TBCD: variants seen among roughly 807,000 people sequenced by gnomAD.
The protein encoded by TBCD is tubulin-specific chaperone D.
A neutral mutation model predicts 169.3 loss-of-function variants in TBCD; 105 were observed. That is an observed-to-expected ratio of 0.62 (90% CI 0.53 to 0.73). The LOEUF (loss-of-function observed/expected upper bound fraction) is 0.73. Among genes scored for constraint, TBCD ranks in the 30% least tolerant of loss-of-function variants. The pLI is 0.00. For synonymous variants in TBCD, 700 were observed against 643.9 expected (o/e 1.09, Z -1.32); for missense variants, 1,444 against 1,600.1 (o/e 0.90, Z 1.66).
At chr17:82,919,978 G>A (rs1399131268) in intron 23 of TBCD, among the ~76,000 whole-genome samples, 1 of 152,204 alleles carries the variant, frequency 6.6e-6, no homozygotes, top group Non-Finnish European at 1.5e-5. Flanking sequence ...CCGTTGTTAG[G>A]TAGAGACGGT....
intron 27 of TBCD, 94 bp from the exon 28 acceptor site, chr17:82,926,306 G>T: frequency 8.6e-7 from 1 of 1,168,588 alleles, no homozygotes; most frequent in South Asian, 1.3e-5. Flanking sequence ...CTCATGGTGT[G>T]GGGTCTGTGG....
chr17:82,876,795 G>C (rs1295691237), intron 14 of TBCD, among the ~76,000 whole-genome samples: 1 of 152,244 alleles, frequency 6.6e-6, no homozygotes, highest in Non-Finnish European at 1.5e-5. Flanking sequence ...CAGCTTCGTT[G>C]AAGTGGGCCA....
At chr17:82,754,860 G>A (rs1568084580) in intron 1 of TBCD, among the ~76,000 whole-genome samples, 2 of 152,220 alleles carry the variant, frequency 1.3e-5, no homozygotes, top group Non-Finnish European at 2.9e-5. Flanking sequence ...GGGTCTGGGA[G>A]GTTGTGAAGA....
At chr17:82,911,645 C>T (rs1469781972) in intron 22 of TBCD, 113 bp from the exon 23 acceptor site, 1 of 1,052,146 alleles carries the variant, frequency 9.5e-7, no homozygotes, top group African/African-American at 1.6e-5. Flanking sequence ...ACACATTCAA[C>T]TAGTTCTCAT....
At chr17:82,924,333 CCTT>C (rs1857354125) in intron 26 of TBCD, among the ~76,000 whole-genome samples, 7 of 152,238 alleles carry the variant, frequency 4.6e-5, no homozygotes, top group African/African-American at 1.7e-4. Flanking sequence ...GCTGTTTTTT[CCTT>C]CTTTATGAAA....
In TBCD at chr17:82,889,986, A is replaced by T. The variant is rs1452272056; in HGVS notation, c.1563+289A>T. Among the ~76,000 whole-genome samples the T allele has an allele frequency of 1.3e-5, 2 of 152,314 alleles. No individual in the cohort carries two copies. Among genetic ancestry groups the T allele is most frequent in the Admixed American group, 1.3e-4 (2 of 15,300 alleles). ...CAGGGTGGGGCGGGTCCCTGGGACC[A>T]GCCTGGCCTTGCGGGGACGCAGACC... On this transcript the variant is annotated intron_variant, in intron 16 of 38. Transcript: ENST00000355528. The surrounding 1 kb of genome is among the most constrained non-coding windows in gnomAD (Gnocchi z 5.3).
chr17:82,937,268 C>T lies in TBCD; in HGVS notation c.3192-3C>T, dbSNP rs2062709707. The T allele has an allele frequency of 6.2e-7, 1 of 1,613,762 alleles. No individual in the cohort carries two copies. The highest frequency in any genetic ancestry group is 1.1e-5 in the South Asian group (1 of 91,086). On this transcript the variant is annotated splice_polypyrimidine_tract_variant and splice_region_variant and intron_variant, in intron 34 of 38. Coordinates refer to ENST00000355528, the MANE Select transcript of TBCD (RefSeq NM_005993.5). ...ATCTCTAAAGTGTGTGTTGTTCTTC[C>T]AGCCACCCCTTTGCTGTGAAGTTGC...
intron 17 of TBCD, among the ~76,000 whole-genome samples, chr17:82,895,398 C>G (rs560354870): frequency 2.0e-4 from 30 of 152,340 alleles, no homozygotes; most frequent in Admixed American, 1.6e-3. Context: ...GGGCATGGGA[C>G]TGAGCACAGC....
intron 34 of TBCD, 135 bp from the exon 35 acceptor site, chr17:82,937,136 G>T: frequency 1.4e-6 from 1 of 710,714 alleles, no homozygotes; most frequent in Non-Finnish European, 2.4e-6. Context: ...CTTGCTGGCA[G>T]AGGGGCCTCA....
chr17:82,856,149 A>T (rs2056263745), intron 13 of TBCD, among the ~76,000 whole-genome samples: 1 of 151,626 alleles, frequency 6.6e-6, no homozygotes, highest in Admixed American at 6.6e-5. Context: ...CAAAATTCAT[A>T]TAGTAAGACA....
intron 13 of TBCD, among the ~76,000 whole-genome samples, chr17:82,818,713 G>A (rs2052147368): frequency 6.6e-6 from 1 of 152,266 alleles, no homozygotes; most frequent in African/African-American, 2.4e-5. Flanking sequence ...CGGCTGAGCT[G>A]TCCCTGCACC....
chr17:82,930,162 C>T lies in TBCD; in HGVS notation c.2992-360C>T, dbSNP rs954112243. ...CGGGGAGACCCGGGCCACATGCGAGCGGGGCCCCGAGACATTCTGCACTCG... is the reference window on the plus strand; with the variant it reads ...CGGGGAGACCCGGGCCACATGCGAGTGGGGCCCCGAGACATTCTGCACTCG... On this transcript the variant is annotated intron_variant, in intron 32 of 38. Transcript: ENST00000355528. This position sits in a 1 kb window ranked among gnomAD's most constrained non-coding sequence, Gnocchi z 5.2. 3 of 300,540 alleles carry T rather than the reference C, an allele frequency of 1.0e-5. No homozygotes were observed. Among genetic ancestry groups the T allele is most frequent in the Non-Finnish European group, 1.3e-5 (2 of 157,906 alleles). 18.6% of individuals were successfully genotyped at this position (300,540 alleles called of 1,614,324 possible).
At chr17:82,777,014 G>A (rs907557826) in intron 6 of TBCD, among the ~76,000 whole-genome samples, 4 of 152,030 alleles carry the variant, frequency 2.6e-5, no homozygotes, top group Admixed American at 6.6e-5. Flanking sequence ...AGTTTCCTCC[G>A]GTGAAGGGCG....
chr17:82,940,221 G>GTGCACA (rs1555672969), intron 37 of TBCD, among the ~76,000 whole-genome samples: 3 of 131,700 alleles, frequency 2.3e-5, no homozygotes, highest in African/African-American at 7.6e-5. Context: ...TTGCACGCGC[G>GTGCACA]CACACACACA....
chr17:82,937,175 T>C (rs1311970338), intron 34 of TBCD, 96 bp from the exon 35 acceptor site: 3 of 1,138,170 alleles, frequency 2.6e-6, no homozygotes, highest in Non-Finnish European at 2.6e-6. Context: ...ACTGAGCCAC[T>C]GGGAGGACGG....
At chr17:82,908,187 C>T (rs919990988) in intron 21 of TBCD, 22 of 390,422 alleles carry the variant, frequency 5.6e-5, no homozygotes, top group Middle Eastern at 8.4e-4. Flanking sequence ...CGCGCGGCTG[C>T]GGTCCCACGA....
In TBCD at chr17:82,939,040, G is replaced by C. The variant is rs1187517458; in HGVS notation, c.3370-327G>C. ...AGGCGAGATTGCTTCTCTGGTGAGG[G>C]AGCAGGTTAGTTAATAGAGAGCAGG... On this transcript the variant is annotated intron_variant, in intron 36 of 38. Transcript: ENST00000355528. 8.2e-6 allele frequency: 3 copies of C among 364,624 alleles called. No homozygotes were observed. In the Admixed American group the frequency reaches 1.4e-4, roughly 17 times the overall value. 22.6% of individuals were successfully genotyped at this position (364,624 alleles called of 1,614,324 possible).
At chr17:82,795,041 G>A (rs1389668038) in intron 7 of TBCD, among the ~76,000 whole-genome samples, 2 of 152,208 alleles carry the variant, frequency 1.3e-5, no homozygotes, top group South Asian at 2.1e-4. Context: ...GGGCATCCAG[G>A]CCAGTTACAA....
intron 30 of TBCD, among the ~76,000 whole-genome samples, chr17:82,928,214 C>T (rs924086044): frequency 6.6e-5 from 10 of 152,206 alleles, no homozygotes. Context: ...CCAGTGCCCC[C>T]AGGACGAGGC....
Sources: allele counts gnomAD v4.1 joint callset (sites outside exome capture counted in the v4.1 genomes callset), GRCh38; gene constraint gnomAD v4.1.1; non-coding constraint Gnocchi (gnomAD v3.1); transcripts MANE v1.5; gene names NCBI Gene and HGNC (gene_info 2026-07-23, HGNC 2026-07-21).